C10orf90: variants seen among roughly 807,000 people sequenced by gnomAD.
The protein encoded by C10orf90 is (E2-independent) E3 ubiquitin-conjugating enzyme FATS.
C10orf90 carries 56 observed loss-of-function variants against 62.5 expected under a neutral mutation model. The observed-to-expected ratio is 0.90, with a 90% CI of 0.72 to 1.12. The LOEUF (loss-of-function observed/expected upper bound fraction) is 1.12, where lower values mean the gene tolerates loss of function less well. Ranked by LOEUF, C10orf90 falls within the 50% of genes most tolerant of loss-of-function variation. The pLI is 0.00. For missense variants in C10orf90, 970 were observed against 880.4 expected (o/e 1.10, Z -1.29); for synonymous variants, 386 against 340.4 (o/e 1.13, Z -1.47).
intron 1 of C10orf90, among the ~76,000 whole-genome samples, chr10:126,659,488 T>A (rs904649791): frequency 6.6e-6 from 1 of 152,216 alleles, no homozygotes; most frequent in Non-Finnish European, 1.5e-5. Flanking sequence ...TGAGAAAATA[T>A]TTCTCCCATT....
chr10:126,584,454 G>C (rs987054168), intron 2 of C10orf90, among the ~76,000 whole-genome samples: 1 of 152,038 alleles, frequency 6.6e-6, no homozygotes, highest in Non-Finnish European at 1.5e-5. Flanking sequence ...CTGTCTACCT[G>C]TCTGTCTATC....
intron 2 of C10orf90, among the ~76,000 whole-genome samples, chr10:126,621,402 T>C (rs1451217239): frequency 6.6e-6 from 1 of 152,260 alleles, no homozygotes; most frequent in Non-Finnish European, 1.5e-5. Context: ...CAGTCGTTAT[T>C]TGCTTTTTAT....
At chr10:126,586,538 C>T (rs1591122889) in intron 2 of C10orf90, among the ~76,000 whole-genome samples, 1 of 152,198 alleles carries the variant, frequency 6.6e-6, no homozygotes, top group East Asian at 1.9e-4. Flanking sequence ...ATTGCTGGCC[C>T]GGCACCTTCG....
At chr10:126,534,894 C>A (rs1244430412) in intron 2 of C10orf90, among the ~76,000 whole-genome samples, 1 of 152,154 alleles carries the variant, frequency 6.6e-6, no homozygotes, top group Admixed American at 6.5e-5. Flanking sequence ...CCATGGAGGT[C>A]ACACTCACTC....
At chr10:126,582,764 C>A (rs1308202756) in intron 2 of C10orf90, among the ~76,000 whole-genome samples, 2 of 152,164 alleles carry the variant, frequency 1.3e-5, no homozygotes, top group Non-Finnish European at 2.9e-5. Flanking sequence ...GACATGCAAG[C>A]CATATCCCAT....
chr10:126,626,903 T>C (rs1348567186), intron 2 of C10orf90, among the ~76,000 whole-genome samples: 1 of 152,102 alleles, frequency 6.6e-6, no homozygotes, highest in Admixed American at 6.5e-5. Context: ...TCCGCTGCCA[T>C]GACAAAGGCC....
At position 126,638,600 on chromosome 10, in the gene C10orf90, G is replaced by A. The variant is rs7091620; in HGVS notation, c.313+7965C>T. ...TCCTGGTGAAAGGCCTAACATCGAGGTCCAGTATGACCTGTGCCTTGACAT... is the reference window on the plus strand; with the variant it reads ...TCCTGGTGAAAGGCCTAACATCGAGATCCAGTATGACCTGTGCCTTGACAT... On this transcript the variant is annotated intron_variant, in intron 2 of 9. Transcript: ENST00000488181. Among the ~76,000 whole-genome samples, 507 of 152,176 alleles carry A rather than the reference G, an allele frequency of 3.3e-3. 3 individuals are homozygous for A. Among genetic ancestry groups the A allele is most frequent in the African/African-American group, 0.012 (495 of 41,524 alleles).
At chr10:126,562,198 C>T (rs972283268) in intron 2 of C10orf90, among the ~76,000 whole-genome samples, 2 of 152,122 alleles carry the variant, frequency 1.3e-5, no homozygotes, top group African/African-American at 4.8e-5. Context: ...AGAATGCGGC[C>T]CTCATCTCAC....
In C10orf90 at chr10:126,654,178, A is replaced by G. The variant is rs143947109; in HGVS notation, c.241-7541T>C. 9.0e-4 allele frequency among the ~76,000 whole-genome samples: 137 copies of G among 152,312 alleles called. 3 individuals carry two copies. In the Middle Eastern group the frequency reaches 0.031, roughly 34 times the overall value. On this transcript the variant is annotated intron_variant, in intron 1 of 9. Transcript: ENST00000488181. Reference sequence around the variant, plus strand: ...TTAAGTTACCTGCTTCATTATCCCTAACAAGAGAGTCAGCCTGTCCTGTGG... The same window carrying G: ...TTAAGTTACCTGCTTCATTATCCCTGACAAGAGAGTCAGCCTGTCCTGTGG...
chr10:126,539,463 C>T (rs1396049738), intron 2 of C10orf90, among the ~76,000 whole-genome samples: 2 of 152,232 alleles, frequency 1.3e-5, no homozygotes, highest in African/African-American at 2.4e-5. Context: ...ATCAAAGAAG[C>T]TACTGCCATG....
chr10:126,557,928 G>T (rs953791607), intron 2 of C10orf90, among the ~76,000 whole-genome samples: 31 of 151,862 alleles, frequency 2.0e-4, no homozygotes, highest in Admixed American at 1.9e-3. Flanking sequence ...TTGCTCTTGG[G>T]GGGTGACGGT....
At chr10:126,486,725 C>T (rs1022653261) in intron 4 of C10orf90, among the ~76,000 whole-genome samples, 5 of 151,896 alleles carry the variant, frequency 3.3e-5, no homozygotes, top group Non-Finnish European at 7.4e-5. Flanking sequence ...ACTTTAGATA[C>T]AAGTGAAACT....
At chr10:126,434,552 C>T (rs377409165) in intron 7 of C10orf90, among the ~76,000 whole-genome samples, 48 of 152,338 alleles carry the variant, frequency 3.2e-4, no homozygotes, top group African/African-American at 1.1e-3. Context: ...CTTCCCCTAT[C>T]TTAGAAACAC....
chr10:126,640,326 A>G (rs1326167188), intron 2 of C10orf90, among the ~76,000 whole-genome samples: 2 of 152,312 alleles, frequency 1.3e-5, no homozygotes, highest in African/African-American at 4.8e-5. Context: ...TGTTTTCCCC[A>G]TGGGGTTCTC....
At chr10:126,515,439 TTATGTTCAGA>T (rs1440781561) in intron 2 of C10orf90, among the ~76,000 whole-genome samples, 1 of 152,218 alleles carries the variant, frequency 6.6e-6, no homozygotes, top group East Asian at 1.9e-4. Context: ...TGTATCCTGT[TTATGTTCAGA>T]TATGTTTAGA....
chr10:126,576,690 C>A (rs1264335373), intron 2 of C10orf90, among the ~76,000 whole-genome samples: 2,991 of 35,510 alleles, frequency 0.084, 783 homozygotes, highest in Middle Eastern at 0.21. Context: ...TATACATATA[C>A]ATGTATATGT....
At chr10:126,568,842 A>C (rs904315718) in intron 2 of C10orf90, among the ~76,000 whole-genome samples, 4 of 152,162 alleles carry the variant, frequency 2.6e-5, no homozygotes, top group African/African-American at 9.7e-5. Flanking sequence ...GATCTCCAGG[A>C]GGGCTGAAGA....
chr10:126,438,209 C>T (rs1200874763), intron 7 of C10orf90, among the ~76,000 whole-genome samples: 1 of 152,162 alleles, frequency 6.6e-6, no homozygotes, highest in Non-Finnish European at 1.5e-5. Context: ...CCCAGAGGAA[C>T]CCCAGGACCC....
intron 1 of C10orf90, among the ~76,000 whole-genome samples, chr10:126,664,512 A>T (rs1258328561): frequency 2.0e-5 from 3 of 152,178 alleles, no homozygotes; most frequent in Non-Finnish European, 4.4e-5. Flanking sequence ...GAAAATTGCC[A>T]AGGTCACTTA....
Sources: gnomAD v4.1 joint callset for allele counts (sites outside exome capture counted in the v4.1 genomes callset) on GRCh38, gnomAD v4.1.1 for gene constraint, MANE v1.5 for transcripts, NCBI Gene and HGNC (gene_info 2026-07-23, HGNC 2026-07-21) for gene names.